COP1: variants seen among roughly 807,000 people sequenced by gnomAD.
COP1 encodes the protein E3 ubiquitin-protein ligase COP1.
A neutral mutation model predicts 101.3 loss-of-function variants in COP1; 24 were observed. That is an observed-to-expected ratio of 0.24 (90% CI 0.17 to 0.33). The LOEUF (loss-of-function observed/expected upper bound fraction) is 0.33. Among genes scored for constraint, COP1 ranks in the 10% least tolerant of loss-of-function variants. COP1 has a pLI of 1.00. For missense variants in COP1, 663 were observed against 906.2 expected (o/e 0.73, Z 3.45); for synonymous variants, 347 against 341.9 (o/e 1.01, Z -0.17).
chr1:176,111,330 T>C (rs972750342), intron 9 of COP1, among the ~76,000 whole-genome samples: 3 of 152,138 alleles, frequency 2.0e-5, no homozygotes, highest in Non-Finnish European at 4.4e-5. Flanking sequence ...AGTCTCGCTC[T>C]GTTGCCAGGC....
chr1:175,958,532 G>A (rs999992288), intron 18 of COP1, among the ~76,000 whole-genome samples: 2 of 151,878 alleles, frequency 1.3e-5, no homozygotes, highest in African/African-American at 4.8e-5. Context: ...ACTATGATAA[G>A]CATTTCCACC....
At chr1:176,177,244 T>A (rs924252431) in intron 2 of COP1, among the ~76,000 whole-genome samples, 41 of 151,920 alleles carry the variant, frequency 2.7e-4, no homozygotes, top group Middle Eastern at 6.4e-3. Context: ...ATTTCTATAA[T>A]GTTAAACCTT....
At chr1:176,150,254 C>T (rs923966792) in intron 5 of COP1, among the ~76,000 whole-genome samples, 15 of 152,024 alleles carry the variant, frequency 9.9e-5, no homozygotes, top group South Asian at 4.2e-4. Context: ...AACAGATCAA[C>T]GTAATTTACA....
intron 9 of COP1, among the ~76,000 whole-genome samples, chr1:176,102,266 T>C (rs1683550378): frequency 6.6e-6 from 1 of 152,138 alleles, no homozygotes. Flanking sequence ...TTTCCCTTTT[T>C]CCTTTTCGCC....
intron 12 of COP1, among the ~76,000 whole-genome samples, chr1:176,045,579 A>AG (rs1388237620): frequency 7.1e-6 from 1 of 140,640 alleles, no homozygotes; most frequent in African/African-American, 2.8e-5. Flanking sequence ...CTTGTTTAGA[A>AG]GGAAAAAAAA....
chr1:175,995,148 G>A lies in COP1; in HGVS notation c.1730-5669C>T, dbSNP rs537947268. Reference sequence around the variant, plus strand: ...AACAACTTGCTCCTGAATGACTACCGGGTACATAACGAAATGAAGGCAGAA... The same window carrying A: ...AACAACTTGCTCCTGAATGACTACCAGGTACATAACGAAATGAAGGCAGAA... On this transcript the variant is annotated intron_variant, in intron 15 of 19. Coordinates refer to ENST00000367669, the MANE Select transcript of COP1 (RefSeq NM_022457.7). Among the ~76,000 whole-genome samples the A allele has an allele frequency of 4.1e-4, 62 of 152,248 alleles. No homozygotes were observed. In the South Asian group the frequency reaches 6.6e-3, roughly 16 times the overall value.
chr1:175,970,351 C>T (rs1465191109), intron 18 of COP1, among the ~76,000 whole-genome samples: 1 of 152,010 alleles, frequency 6.6e-6, no homozygotes, highest in African/African-American at 2.4e-5. Flanking sequence ...AACATGAATA[C>T]GAGTTTAGAA....
chr1:176,159,220 A>C (rs1693927420), intron 5 of COP1, among the ~76,000 whole-genome samples: 1 of 152,236 alleles, frequency 6.6e-6, no homozygotes, highest in Non-Finnish European at 1.5e-5. Flanking sequence ...AAGAGAAAAG[A>C]CAAATGATCC....
chr1:176,204,862 G>C (rs1700665679), intron 1 of COP1, among the ~76,000 whole-genome samples: 1 of 152,114 alleles, frequency 6.6e-6, no homozygotes, highest in African/African-American at 2.4e-5. Context: ...CGGGAGGCGG[G>C]GGTGGCAGTG....
At chr1:176,069,489 C>T (rs1229972812) in intron 11 of COP1, among the ~76,000 whole-genome samples, 2 of 152,160 alleles carry the variant, frequency 1.3e-5, no homozygotes, top group Non-Finnish European at 2.9e-5. Context: ...GTTATTTATC[C>T]TCCAATCGAG....
intron 15 of COP1, among the ~76,000 whole-genome samples, chr1:176,006,166 G>A (rs1231962788): frequency 6.6e-6 from 1 of 151,964 alleles, no homozygotes; most frequent in African/African-American, 2.4e-5. Flanking sequence ...GACTAGGATT[G>A]CAACCCCTGC....
chr1:176,076,704 A>T (rs1558057709), intron 11 of COP1, among the ~76,000 whole-genome samples: 1 of 152,152 alleles, frequency 6.6e-6, no homozygotes, highest in Non-Finnish European at 1.5e-5. Context: ...AAGAATAAGC[A>T]AGACTGATAA....
At chr1:175,981,752 A>T (rs2148685757) in intron 18 of COP1, among the ~76,000 whole-genome samples, 1 of 152,224 alleles carries the variant, frequency 6.6e-6, no homozygotes, top group Admixed American at 6.5e-5. Flanking sequence ...ACTATTTATC[A>T]GTTAGGGGGT....
chr1:176,130,794 TCA>T (rs1688756663), intron 8 of COP1, among the ~76,000 whole-genome samples: 1 of 151,210 alleles, frequency 6.6e-6, no homozygotes. Context: ...AAAACAATAC[TCA>T]CAGGATTACA....
chr1:175,991,912 A>C (rs1195882901), intron 15 of COP1, among the ~76,000 whole-genome samples: 3 of 152,156 alleles, frequency 2.0e-5, no homozygotes, highest in African/African-American at 7.2e-5. Context: ...ATGTCTCCTG[A>C]AGGGCCTGCC....
chr1:176,011,043 C>T (rs541115328), intron 15 of COP1, among the ~76,000 whole-genome samples: 5 of 152,128 alleles, frequency 3.3e-5, no homozygotes, highest in African/African-American at 1.2e-4. Flanking sequence ...TAATATTCCC[C>T]TTTAAACATG....
At chr1:176,140,360 G>A (rs1346440374) in intron 6 of COP1, among the ~76,000 whole-genome samples, 2 of 152,126 alleles carry the variant, frequency 1.3e-5, no homozygotes, top group East Asian at 1.9e-4. Flanking sequence ...AAAACAAAAT[G>A]ATATAACCTA....
chr1:176,078,139 A>T (rs1191494103), intron 11 of COP1, among the ~76,000 whole-genome samples: 1 of 152,224 alleles, frequency 6.6e-6, no homozygotes, highest in Non-Finnish European at 1.5e-5. Context: ...ATTAGAAAAA[A>T]ACTATTCTAA....
chr1:175,974,030 T>C (rs765407505), intron 18 of COP1, among the ~76,000 whole-genome samples: 6 of 152,100 alleles, frequency 3.9e-5, no homozygotes, highest in Non-Finnish European at 7.4e-5. Context: ...ATAAAGAAGG[T>C]TGTTAGATGT....
Sources: allele counts gnomAD v4.1 joint callset (sites outside exome capture counted in the v4.1 genomes callset), GRCh38; gene constraint gnomAD v4.1.1; transcripts MANE v1.5; gene names NCBI Gene and HGNC (gene_info 2026-07-23, HGNC 2026-07-21).